The following BPTF variants were observed in gnomAD, a reference collection of about 807,000 sequenced individuals.
The protein encoded by BPTF is bromodomain PHD finger transcription factor, also known as nucleosome-remodeling factor subunit BPTF.
In BPTF, 18 loss-of-function variants were observed where a neutral mutation model predicts 292.5. The ratio of observed to expected loss-of-function variants is 0.06; its 90% CI spans 0.04 to 0.09. The LOEUF (loss-of-function observed/expected upper bound fraction) is 0.09, where lower values mean the gene tolerates loss of function less well. Among genes scored for constraint, BPTF ranks in the 10% least tolerant of loss-of-function variants. The probability of loss-of-function intolerance (pLI) is 1.00; values close to 1 mark genes in which losing one functional copy is unlikely to be tolerated. For synonymous variants in BPTF, 1,225 were observed against 1,251.9 expected (o/e 0.98, Z 0.45); for missense variants, 2,726 against 3,498.7 (o/e 0.78, Z 5.57).
At chr17:67,901,676 C>T (rs1338134173) in intron 7 of BPTF, among the ~76,000 whole-genome samples, 1 of 152,194 alleles carries the variant, frequency 6.6e-6, no homozygotes, top group Non-Finnish European at 1.5e-5. Context: ...TTACTTCTCT[C>T]ATAATTAAAA....
rs1481345483 is a variant in BPTF at position 67,874,829 on chromosome 17, A to T, written c.1673A>T (p.Glu558Val). ...FLAAANEEIL[E>V]SIRAKKGDID... is the part of the protein sequence containing the mutation. ...TTACACATTATAGAAGAAATTTTGG[A>T]ATCCATAAGAGCCAAAAAGGGAGAC... The change falls in exon 4 of 28, where the codon GAA becomes GTA. Residue 558 changes from glutamate to valine, a missense_variant. By Grantham distance (121) the Glu-to-Val change is moderately radical. Around this residue, in one of 22 missense-constraint regions of BPTF, gnomAD observed 187 missense variants for 201.5 expected, o/e 0.93. Coordinates refer to ENST00000306378, the MANE Select transcript of BPTF (RefSeq NM_182641.4). The T allele has an allele frequency of 2.5e-6, 4 of 1,605,726 alleles. No homozygotes were observed. Among genetic ancestry groups the T allele is most frequent in the Non-Finnish European group, 3.4e-6 (4 of 1,177,798 alleles).
intron 7 of BPTF, among the ~76,000 whole-genome samples, chr17:67,903,304 CAA>C (rs1233357326): frequency 6.6e-6 from 1 of 152,206 alleles, no homozygotes; most frequent in African/African-American, 2.4e-5. Context: ...ACTCTGGAAA[CAA>C]AGTATTCTTT....
chr17:67,828,686 G>A (rs1340202890), intron 1 of BPTF, among the ~76,000 whole-genome samples: 2 of 152,106 alleles, frequency 1.3e-5, no homozygotes, highest in East Asian at 3.9e-4. Context: ...GCAGCACCAC[G>A]CCCAGCTAAT....
At chr17:67,843,739 G>T (rs1324365212) in intron 1 of BPTF, among the ~76,000 whole-genome samples, 5 of 120,612 alleles carry the variant, frequency 4.1e-5, no homozygotes, top group African/African-American at 1.1e-4. Context: ...TTTTTAAATT[G>T]TCTGGAGCAG....
At chr17:67,924,735 A>T (rs1358444234) in intron 15 of BPTF, 146 bp downstream of exon 15, 1 of 808,492 alleles carries the variant, frequency 1.2e-6, no homozygotes, top group Non-Finnish European at 2.0e-6. Context: ...ATTCATGCAC[A>T]CCCATGCACA....
chr17:67,844,784 C>T lies in BPTF; in HGVS notation c.614-9156C>T, dbSNP rs191066684. ...TTGAGACGGAGTTTCACTCTTGTTG[C>T]CCAGGCTGGAGTGCAATGGCATGAT... On this transcript the variant is annotated intron_variant, in intron 1 of 27. Coordinates refer to ENST00000306378, the MANE Select transcript of BPTF (RefSeq NM_182641.4). Among the ~76,000 whole-genome samples, 233 of 152,096 alleles carry T rather than the reference C, an allele frequency of 1.5e-3. 4 individuals are homozygous for T. The highest frequency in any genetic ancestry group is 0.013 in the East Asian group (65 of 5,154).
Position 67,978,308 on chromosome 17 carries a change from A to AT in BPTF, c.8726+2358dup, listed in dbSNP as rs201077943. ...GCCAGAAATATATATATATATATAT[A>AT]TTTTTTTTGAGACAGAGTCTCACTC... On this transcript the variant is annotated intron_variant, in intron 27 of 27. Transcript: ENST00000306378. 7.4e-3 allele frequency among the ~76,000 whole-genome samples: 1,074 copies of AT among 144,324 alleles called. 11 individuals are homozygous for AT. The highest frequency in any genetic ancestry group is 0.028 in the East Asian group (139 of 4,938). 94.7% of individuals were successfully genotyped at this position (144,324 alleles called of 152,430 possible).
In BPTF at chr17:67,923,044, A is replaced by ATCAATAAAT. The variant is rs375673836; in HGVS notation, c.5708+56_5708+64dup. Reference sequence around the variant, plus strand: ...TATTTGAAGATTTTATCACTTCAGAATCAATAAATTACTTTTTTTTTTTTT... The same window carrying ATCAATAAAT: ...TATTTGAAGATTTTATCACTTCAGAATCAATAAATTCAATAAATTACTTTTTTTTTTTTT... On this transcript the variant is annotated intron_variant, in intron 14 of 27. Coordinates refer to ENST00000306378, the MANE Select transcript of BPTF (RefSeq NM_182641.4). 8,975 of 1,533,454 alleles carry ATCAATAAAT rather than the reference A, an allele frequency of 5.9e-3. 35 individuals are homozygous for ATCAATAAAT. Among genetic ancestry groups the ATCAATAAAT allele is most frequent in the Non-Finnish European group, 6.9e-3 (7,884 of 1,138,944 alleles). 95.0% of individuals were successfully genotyped at this position (1,533,454 alleles called of 1,614,324 possible). A position where few individuals can be genotyped will look rare whatever the true frequency, so the allele number is the denominator to read the frequency against.
At chr17:67,953,961 C>CTTTTTTTT (rs869063412) in intron 23 of BPTF, among the ~76,000 whole-genome samples, 6 of 65,630 alleles carry the variant, frequency 9.1e-5, no homozygotes, top group African/African-American at 3.6e-4. Flanking sequence ...CTTTTCTTTT[C>CTTTTTTTT]TTTTTTTTTT....
chr17:67,922,714 A>C, intron 13 of BPTF, 126 bp from the exon 14 acceptor site: 34 of 927,822 alleles, frequency 3.7e-5, no homozygotes, highest in Non-Finnish European at 4.7e-5. Context: ...ACAGCTGAGT[A>C]GCTGCAGCAG....
At chr17:67,962,954 G>A (rs1359163055) in intron 24 of BPTF, among the ~76,000 whole-genome samples, 3 of 152,174 alleles carry the variant, frequency 2.0e-5, no homozygotes, top group Admixed American at 6.6e-5. Flanking sequence ...TGTGGAATAG[G>A]TTTGACAGAT....
At position 67,946,151 on chromosome 17, in the gene BPTF, G is replaced by A. The variant is rs782054786; in HGVS notation, c.7443G>A (p.Val2481=). 10 of 1,614,198 alleles carry A rather than the reference G, an allele frequency of 6.2e-6. No individual in the cohort carries two copies. The South Asian group carries it at 9.9e-5, about 16-fold the overall frequency. Reference sequence around the variant, plus strand: ...TCCAAATTCAGCAAAGCAGTGCTGTGCAGACTCACCAGATTCAGAATGTGG... The same window carrying A: ...TCCAAATTCAGCAAAGCAGTGCTGTACAGACTCACCAGATTCAGAATGTGG... ...LPIQIQQSSA[V]QTHQIQNVVT... is the part of the protein sequence containing the mutation. The change falls in exon 21 of 28, where the codon GTG becomes GTA. Residue 2481 remains valine, a synonymous_variant. Transcript: ENST00000306378.
intron 1 of BPTF, among the ~76,000 whole-genome samples, chr17:67,851,408 C>T (rs1013637715): frequency 8.6e-5 from 13 of 151,868 alleles, no homozygotes; most frequent in Admixed American, 7.9e-4. Flanking sequence ...TTTGTGTGCA[C>T]GTTCAATTGA....
intron 1 of BPTF, among the ~76,000 whole-genome samples, chr17:67,828,406 C>G (rs1036851699): frequency 6.6e-6 from 1 of 152,140 alleles, no homozygotes; most frequent in Non-Finnish European, 1.5e-5. Context: ...ACTTTAAGTC[C>G]TATTCGAAGG....
intron 24 of BPTF, chr17:67,963,610 T>C: frequency 8.6e-7 from 1 of 1,162,960 alleles, no homozygotes; most frequent in Non-Finnish European, 1.1e-6. Context: ...TTTCTACATT[T>C]ATTATACACT....
At position 67,912,407 on chromosome 17, in the gene BPTF, A is replaced by G. The variant is rs776729465; in HGVS notation, c.4523A>G (p.Lys1508Arg). The change falls in exon 11 of 28, where the codon AAA becomes AGA. Residue 1508 changes from lysine to arginine, a missense_variant. Physicochemically the swap from Lys to Arg is conservative, Grantham distance 26. This residue lies in a region of BPTF where 713 missense variants were observed against 714.9 expected (regional missense o/e 1.00). Coordinates refer to ENST00000306378, the MANE Select transcript of BPTF (RefSeq NM_182641.4). ...AGCCTTGAGACCCTGCCATCAACCA[A>G]AGAGTCTGACAGTACACAGACGACC... Reference protein sequence around the residue: ...RDSLETLPSTKESDSTQTTTP... With the variant: ...RDSLETLPSTRESDSTQTTTP... 3.1e-6 allele frequency: 5 copies of G among 1,614,070 alleles called. No individual in the cohort carries two copies. The highest frequency in any genetic ancestry group is 3.3e-5 in the Admixed American group (2 of 59,994).
At chr17:67,960,117 G>T (rs1568187108) in intron 24 of BPTF, 1 of 395,934 alleles carries the variant, frequency 2.5e-6, no homozygotes, top group Non-Finnish European at 4.5e-6. Context: ...CAAGCTTTCT[G>T]TTGCTCCTTT....
intron 14 of BPTF, among the ~76,000 whole-genome samples, chr17:67,924,250 C>A (rs772627239): frequency 6.6e-6 from 1 of 152,156 alleles, no homozygotes; most frequent in African/African-American, 2.4e-5. Context: ...CCACCGCACC[C>A]GGCCTGAGCC....
At chr17:67,879,863 A>T (rs751025077) in intron 4 of BPTF, among the ~76,000 whole-genome samples, 1 of 152,296 alleles carries the variant, frequency 6.6e-6, no homozygotes, top group South Asian at 2.1e-4. Context: ...ACCCGAGAGC[A>T]TTAATCTGCT....
Sources: allele counts gnomAD v4.1 joint callset (sites outside exome capture counted in the v4.1 genomes callset), GRCh38; gene constraint gnomAD v4.1.1; regional missense constraint gnomAD v4.1.1; transcripts MANE v1.5; gene names NCBI Gene and HGNC (gene_info 2026-07-23, HGNC 2026-07-21).